The following LOXL2 variants were observed in gnomAD, a reference collection of about 807,000 sequenced individuals.
The protein encoded by LOXL2 is lysyl oxidase homolog 2.
LOXL2 carries 70 observed loss-of-function variants against 93.0 expected under a neutral mutation model. The observed-to-expected ratio is 0.75, with a 90% CI of 0.62 to 0.92. LOXL2 has a LOEUF of 0.92. LOXL2 is among the 40% of genes least tolerant of loss of function. The probability of loss-of-function intolerance (pLI) is 0.00; values close to 1 mark genes in which losing one functional copy is unlikely to be tolerated. For synonymous variants in LOXL2, 438 were observed against 413.2 expected (o/e 1.06, Z -0.73); for missense variants, 973 against 1,054.9 (o/e 0.92, Z 1.08).
intron 10 of LOXL2, among the ~76,000 whole-genome samples, chr8:23,307,526 C>T (rs1475012080): frequency 6.6e-6 from 1 of 152,202 alleles, no homozygotes; most frequent in Non-Finnish European, 1.5e-5. Context: ...TCCAGGATGT[C>T]ACCATGTGCC....
intron 12 of LOXL2, among the ~76,000 whole-genome samples, chr8:23,300,521 G>A (rs1211498177): frequency 6.6e-6 from 1 of 152,164 alleles, no homozygotes; most frequent in East Asian, 1.9e-4. Context: ...CACCTCTTGT[G>A]TCCCGTGAGT....
chr8:23,333,335 T>C (rs1266644949), intron 5 of LOXL2, 66 bp downstream of exon 5: 22 of 1,432,088 alleles, frequency 1.5e-5, no homozygotes, highest in Non-Finnish European at 2.2e-5. Flanking sequence ...GGATCCTGCC[T>C]ACTCCCTCAA....
At chr8:23,398,872 C>T (rs946356669) in intron 1 of LOXL2, among the ~76,000 whole-genome samples, 1 of 151,914 alleles carries the variant, frequency 6.6e-6, no homozygotes, top group African/African-American at 2.4e-5. Flanking sequence ...TCTGAAAAGG[C>T]GCCTAGAGAC....
intron 6 of LOXL2, among the ~76,000 whole-genome samples, chr8:23,325,865 A>G (rs549848638): frequency 6.6e-6 from 1 of 152,342 alleles, no homozygotes; most frequent in Non-Finnish European, 1.5e-5. Flanking sequence ...GAGCCTGACC[A>G]GGACCTCATG....
At chr8:23,304,792 G>A (rs1217990664) in intron 10 of LOXL2, among the ~76,000 whole-genome samples, 1 of 152,166 alleles carries the variant, frequency 6.6e-6, no homozygotes, top group Admixed American at 6.5e-5. Context: ...CGGCAGGCAG[G>A]AGCTCCTCAC....
intron 5 of LOXL2, among the ~76,000 whole-genome samples, chr8:23,332,550 A>C (rs545162296): frequency 3.6e-5 from 3 of 82,222 alleles, no homozygotes; most frequent in East Asian, 3.9e-4. Flanking sequence ...ACCCCCACAC[A>C]CCCACACTCA....
At chr8:23,329,273 A>G (rs142753241) in intron 5 of LOXL2, among the ~76,000 whole-genome samples, 40 of 152,276 alleles carry the variant, frequency 2.6e-4, no homozygotes, top group Middle Eastern at 6.8e-3. Flanking sequence ...GCCTCCCTCA[A>G]TTTGACTCCA....
chr8:23,315,051 G>A (rs999543302), intron 9 of LOXL2, among the ~76,000 whole-genome samples: 7 of 152,206 alleles, frequency 4.6e-5, no homozygotes, highest in African/African-American at 1.2e-4. Flanking sequence ...TAAGTGGGAC[G>A]TGGCCTTGGC....
intron 10 of LOXL2, among the ~76,000 whole-genome samples, chr8:23,308,118 C>T (rs2117144926): frequency 6.6e-6 from 1 of 152,286 alleles, no homozygotes; most frequent in East Asian, 1.9e-4. Flanking sequence ...GCCTCTGTGT[C>T]CTTTTCTAGG....
At chr8:23,354,830 G>T (rs1405710447) in intron 3 of LOXL2, among the ~76,000 whole-genome samples, 2 of 151,386 alleles carry the variant, frequency 1.3e-5, no homozygotes, top group Admixed American at 6.6e-5. Flanking sequence ...CTGACAAGGA[G>T]CTCACCACTA....
rs867928647 is a variant in LOXL2, at chr8:23,328,683, G to A, written c.967-118C>T. The A allele has an allele frequency of 7.0e-6, 6 of 857,730 alleles. No individual in the cohort carries two copies. The Middle Eastern group carries it at 1.0e-3, about 145-fold the overall frequency. 53.1% of individuals were successfully genotyped at this position (857,730 alleles called of 1,614,324 possible). On this transcript the variant is annotated intron_variant, in intron 5 of 13. Transcript: ENST00000389131. The stretch of plus-strand genomic sequence containing the variant: ...TTCCCAGGCCAGGCACTCAGTCTGG[G>A]AGCTGCAACTATGCTTGATGTATGG...
At chr8:23,319,398 C>T (rs1244656872) in intron 8 of LOXL2, among the ~76,000 whole-genome samples, 5 of 151,342 alleles carry the variant, frequency 3.3e-5, no homozygotes, top group African/African-American at 4.9e-5. Context: ...GATTCCCTAG[C>T]GTGTCAATGG....
Position 23,297,653 on chromosome 8 carries a change from G to A in LOXL2, c.*390C>T, listed in dbSNP as rs1489290304. ...CCTGACCCTCTCTGGGGGGGCTGAT[G>A]AGCCCGCATTTGTCCACGTGTCACT... On this transcript the variant is annotated 3_prime_UTR_variant, in exon 14 of 14. Coordinates refer to ENST00000389131, the MANE Select transcript of LOXL2 (RefSeq NM_002318.3). 6 of 179,274 alleles carry A rather than the reference G, an allele frequency of 3.3e-5. No homozygotes were observed. The highest frequency in any genetic ancestry group is 1.2e-5 in the Non-Finnish European group (1 of 85,706). The allele number at this position is 179,274 out of a possible 1,614,324, so 11.1% of individuals were successfully genotyped here. A position where few individuals can be genotyped will look rare whatever the true frequency, so the allele number is the denominator to read the frequency against.
At chr8:23,340,449 G>A (rs538680119) in intron 4 of LOXL2, among the ~76,000 whole-genome samples, 14 of 152,262 alleles carry the variant, frequency 9.2e-5, no homozygotes, top group African/African-American at 3.1e-4. Context: ...CCCCTACTGG[G>A]AAATATTAAC....
chr8:23,303,197 G>A, intron 11 of LOXL2, 85 bp downstream of exon 11: 1 of 847,248 alleles, frequency 1.2e-6, no homozygotes, highest in Non-Finnish European at 2.0e-6. Flanking sequence ...GTCAGTGCCA[G>A]GCCTGGGCTC....
chr8:23,344,271 G>A (rs1803932317), intron 3 of LOXL2, among the ~76,000 whole-genome samples: 1 of 152,236 alleles, frequency 6.6e-6, no homozygotes, highest in Non-Finnish European at 1.5e-5. Flanking sequence ...ATGCAGCCTG[G>A]AGAAGAGAAA....
chr8:23,392,445 A>AG (rs1195935518), intron 1 of LOXL2, among the ~76,000 whole-genome samples: 1 of 152,206 alleles, frequency 6.6e-6, no homozygotes, highest in Non-Finnish European at 1.5e-5. Flanking sequence ...AGAGACCTGC[A>AG]GGTCCTCGCT....
rs989786248 is a variant in LOXL2, at chr8:23,297,768, G to A, written c.*275C>T. 8.3e-5 allele frequency: 32 copies of A among 387,836 alleles called. No individual in the cohort carries two copies. The highest frequency in any genetic ancestry group is 2.4e-4 in the South Asian group (6 of 24,594). The allele number at this position is 387,836 out of a possible 1,614,324, so 24.0% of individuals were successfully genotyped here. A position where few individuals can be genotyped will look rare whatever the true frequency, so the allele number is the denominator to read the frequency against. ...ACAACCTGTCTGTGGGCCTCATCCC[G>A]GTCAAGACTGGCTCTTGGTGCTGCT... On this transcript the variant is annotated 3_prime_UTR_variant, in exon 14 of 14. Coordinates refer to ENST00000389131, the MANE Select transcript of LOXL2 (RefSeq NM_002318.3).
chr8:23,319,708 G>A (rs1381791879), intron 8 of LOXL2, among the ~76,000 whole-genome samples, 177 bp downstream of exon 8: 1 of 152,186 alleles, frequency 6.6e-6, no homozygotes, highest in Non-Finnish European at 1.5e-5. Context: ...GAGGACTCAG[G>A]CCTGTAAGGA....
Sources: allele counts gnomAD v4.1 joint callset (sites outside exome capture counted in the v4.1 genomes callset), GRCh38; gene constraint gnomAD v4.1.1; transcripts MANE v1.5; gene names NCBI Gene and HGNC (gene_info 2026-07-23, HGNC 2026-07-21).